KIAA1549L: variants seen among roughly 807,000 people sequenced by gnomAD.
KIAA1549L encodes the protein UPF0606 protein KIAA1549L.
A neutral mutation model predicts 160.7 loss-of-function variants in KIAA1549L; 88 were observed. The observed-to-expected ratio is 0.55, with a 90% CI of 0.46 to 0.65. The LOEUF is 0.65. Among genes scored for constraint, KIAA1549L ranks in the 30% least tolerant of loss-of-function variants. The pLI is 0.00. For synonymous variants in KIAA1549L, 950 were observed against 976.7 expected (o/e 0.97, Z 0.51); for missense variants, 2,258 against 2,437.5 (o/e 0.93, Z 1.55).
chr11:33,410,706 G>A (rs968811170), intron 1 of KIAA1549L, among the ~76,000 whole-genome samples: 1 of 152,158 alleles, frequency 6.6e-6, no homozygotes, highest in African/African-American at 2.4e-5. Flanking sequence ...GGGCATAGTG[G>A]GTGGGTAGCA....
chr11:33,636,075 A>G (rs1003830761), intron 16 of KIAA1549L, among the ~76,000 whole-genome samples: 1 of 152,206 alleles, frequency 6.6e-6, no homozygotes, highest in Non-Finnish European at 1.5e-5. Context: ...TATCCTGGTC[A>G]ACAAGGATAA....
At chr11:33,407,529 A>T (rs1209777894) in intron 1 of KIAA1549L, among the ~76,000 whole-genome samples, 1 of 151,830 alleles carries the variant, frequency 6.6e-6, no homozygotes, top group Non-Finnish European at 1.5e-5. Flanking sequence ...TTGTATTTTC[A>T]GTAGAGACGG....
At chr11:33,465,907 G>A (rs188565019) in intron 1 of KIAA1549L, among the ~76,000 whole-genome samples, 5 of 152,214 alleles carry the variant, frequency 3.3e-5, no homozygotes, top group Admixed American at 3.3e-4. Context: ...GAAAACCTAG[G>A]CAATACCATT....
At chr11:33,474,465 CA>C (rs1302102947) in intron 1 of KIAA1549L, among the ~76,000 whole-genome samples, 1 of 152,236 alleles carries the variant, frequency 6.6e-6, no homozygotes. Flanking sequence ...TTAAGTTCCA[CA>C]GAGCTCTTTC....
At chr11:33,466,226 A>AC (rs1852055077) in intron 1 of KIAA1549L, among the ~76,000 whole-genome samples, 1 of 152,234 alleles carries the variant, frequency 6.6e-6, no homozygotes, top group Admixed American at 6.5e-5. Flanking sequence ...TATCCATCTG[A>AC]CAAAGGGCTC....
At chr11:33,661,439 T>G (rs1333190401) in intron 20 of KIAA1549L, among the ~76,000 whole-genome samples, 3 of 152,224 alleles carry the variant, frequency 2.0e-5, no homozygotes, top group Non-Finnish European at 2.9e-5. Context: ...ATGCCACTTA[T>G]CTAAGGCCAC....
At chr11:33,454,080 C>A (rs1298584563) in intron 1 of KIAA1549L, among the ~76,000 whole-genome samples, 2 of 152,202 alleles carry the variant, frequency 1.3e-5, no homozygotes, top group African/African-American at 4.8e-5. Flanking sequence ...TCCCTTTCAG[C>A]AGACAACTAA....
intron 7 of KIAA1549L, among the ~76,000 whole-genome samples, chr11:33,561,281 T>C (rs747009628): frequency 6.6e-6 from 1 of 152,190 alleles, no homozygotes; most frequent in Non-Finnish European, 1.5e-5. Flanking sequence ...ACAGAAGATT[T>C]TGATGAAAAA....
chr11:33,428,827 C>G (rs184056399), intron 1 of KIAA1549L, among the ~76,000 whole-genome samples: 1 of 152,114 alleles, frequency 6.6e-6, no homozygotes, highest in African/African-American at 2.4e-5. Context: ...GTAGTGGGAT[C>G]GCTGGGTCAA....
chr11:33,508,963 G>A (rs757157355), intron 1 of KIAA1549L, among the ~76,000 whole-genome samples: 11 of 152,222 alleles, frequency 7.2e-5, no homozygotes, highest in African/African-American at 1.7e-4. Context: ...TGGTTCTGTC[G>A]TCTCTTTGGG....
chr11:33,657,916 G>A (rs1338462701), intron 18 of KIAA1549L, among the ~76,000 whole-genome samples: 4 of 152,236 alleles, frequency 2.6e-5, no homozygotes, highest in Non-Finnish European at 5.9e-5. Context: ...AGCTCAGAGG[G>A]TGGCCCTGTG....
intron 20 of KIAA1549L, among the ~76,000 whole-genome samples, chr11:33,666,588 G>A (rs1852463045): frequency 2.0e-5 from 3 of 152,142 alleles, no homozygotes; most frequent in African/African-American, 7.2e-5. Context: ...TCCTGAAACA[G>A]CATCCCTGTA....
intron 5 of KIAA1549L, among the ~76,000 whole-genome samples, chr11:33,551,845 T>G (rs1854473612): frequency 6.6e-6 from 1 of 152,220 alleles, no homozygotes; most frequent in African/African-American, 2.4e-5. Context: ...AGCAGATGTC[T>G]ACATATTCCA....
intron 1 of KIAA1549L, among the ~76,000 whole-genome samples, chr11:33,475,532 G>GGT (rs1349798176): frequency 6.6e-6 from 1 of 151,314 alleles, no homozygotes; most frequent in East Asian, 1.9e-4. Flanking sequence ...ACTCCAGTCA[G>GGT]GTGACAGAGT....
chr11:33,540,510 A>G (rs1853994351), intron 1 of KIAA1549L, among the ~76,000 whole-genome samples: 1 of 152,218 alleles, frequency 6.6e-6, no homozygotes, highest in Admixed American at 6.5e-5. Context: ...AGCAACATGA[A>G]CAGGGAGGAT....
chr11:33,577,504 C>T (rs145939370), intron 10 of KIAA1549L, among the ~76,000 whole-genome samples: 71 of 152,162 alleles, frequency 4.7e-4, no homozygotes, highest in South Asian at 3.7e-3. Context: ...ATCTGGTGCA[C>T]GGGTGAAGGG....
intron 18 of KIAA1549L, among the ~76,000 whole-genome samples, chr11:33,657,057 A>T (rs1381502256): frequency 6.6e-6 from 1 of 152,190 alleles, no homozygotes; most frequent in African/African-American, 2.4e-5. Flanking sequence ...TATCGAGCAT[A>T]ACTCAGAAAT....
intron 16 of KIAA1549L, among the ~76,000 whole-genome samples, chr11:33,639,837 G>A (rs977489329): frequency 6.6e-6 from 1 of 152,198 alleles, no homozygotes; most frequent in African/African-American, 2.4e-5. Context: ...ACTGTGTCCA[G>A]CCATATATGC....
chr11:33,410,941 A>G (rs564290082), intron 1 of KIAA1549L, among the ~76,000 whole-genome samples: 2 of 152,200 alleles, frequency 1.3e-5, no homozygotes, highest in Non-Finnish European at 2.9e-5. Context: ...GCAAAGAGGT[A>G]CAAGTGAGTA....
Sources: gnomAD v4.1 joint callset for allele counts (sites outside exome capture counted in the v4.1 genomes callset) on GRCh38, gnomAD v4.1.1 for gene constraint, MANE v1.5 for transcripts, NCBI Gene and HGNC (gene_info 2026-07-23, HGNC 2026-07-21) for gene names.